The following STK36 variants were observed in gnomAD, a reference collection of about 807,000 sequenced individuals.
STK36 encodes the protein serine/threonine kinase 36.
In STK36, 116 loss-of-function variants were observed where a neutral mutation model predicts 142.2. That is an observed-to-expected ratio of 0.82 (90% CI 0.70 to 0.95). STK36 has a LOEUF of 0.95. Among genes scored for constraint, STK36 ranks in the 40% least tolerant of loss-of-function variants. The pLI is 0.00. For missense variants in STK36, 1,422 were observed against 1,617.2 expected, an observed-to-expected ratio of 0.88 and a Z score of 2.07; for synonymous variants, 619 against 641.7, an observed-to-expected ratio of 0.96 and a Z score of 0.53.
chr2:218,688,591 C>A, intron 11 of STK36, 106 bp from the exon 12 acceptor site: 1 of 1,227,238 alleles, frequency 8.1e-7, no homozygotes, highest in Non-Finnish European at 1.1e-6. Context: ...GGAATGCAAG[C>A]ATGTGGTCTG....
intron 6 of STK36, 24 bp from the exon 7 acceptor site, chr2:218,679,144 A>G: frequency 6.2e-7 from 1 of 1,609,036 alleles, no homozygotes; most frequent in Non-Finnish European, 8.5e-7. Context: ...AGAATGACTG[A>G]TGGAATATTT....
chr2:218,698,244 G>A (rs1164694540), intron 25 of STK36, among the ~76,000 whole-genome samples: 2 of 152,164 alleles, frequency 1.3e-5, no homozygotes, highest in African/African-American at 4.8e-5. Context: ...GGTGCTCATT[G>A]GGGAGAACAT....
chr2:218,692,202 T>C lies in STK36; in HGVS notation c.1824T>C (p.Phe608=). Residue 608 remains phenylalanine, a synonymous_variant, in exon 15 of 27, where the codon TTT becomes TTC. Coordinates refer to ENST00000295709, the MANE Select transcript of STK36 (RefSeq NM_015690.5). The part of the protein sequence containing the change: ...DGNSRAISKA[F]YSSLLTTQQV... ...ACAGCCGGGCCATCTCCAAAGCCTTTTACTCCAGCTTGCTGACGACACAGC... is the reference window on the plus strand; with the variant it reads ...ACAGCCGGGCCATCTCCAAAGCCTTCTACTCCAGCTTGCTGACGACACAGC... The C allele has an allele frequency of 6.2e-7, 1 of 1,614,216 alleles. No individual in the cohort carries two copies. The highest frequency in any genetic ancestry group is 8.5e-7 in the Non-Finnish European group (1 of 1,180,040).
intron 10 of STK36, 135 bp from the exon 11 acceptor site, chr2:218,684,950 A>G (rs1405941261): frequency 9.4e-7 from 1 of 1,067,486 alleles, no homozygotes; most frequent in African/African-American, 1.6e-5. Context: ...AGGTGACTGA[A>G]GATATACATC....
chr2:218,681,453 T>C (rs1940518262), intron 10 of STK36, among the ~76,000 whole-genome samples: 1 of 152,214 alleles, frequency 6.6e-6, no homozygotes, highest in Non-Finnish European at 1.5e-5. Context: ...TATGTTTTTT[T>C]TGAGTTTTGC....
Position 218,694,137 on chromosome 2 carries a change from C to A in STK36, c.2337-127C>A. 8.6e-7 allele frequency: 1 copy of A among 1,160,890 alleles called. No individual in the cohort carries two copies. 71.9% of individuals were successfully genotyped at this position (1,160,890 alleles called of 1,614,324 possible). ...CTCTACAAAGAACAGACCTAGACTC[C>A]CATCAACTTTGTGCCTTGGAGGTAG... is the stretch of plus-strand genomic sequence containing the variant. On this transcript the variant is annotated intron_variant, in intron 19 of 26. Transcript: ENST00000295709. The surrounding 1 kb of genome is among the most constrained non-coding windows in gnomAD (Gnocchi z 4.4).
rs1559336080 is a variant in STK36, at chr2:218,685,142, A to G, written c.1294A>G (p.Ile432Val). The change falls in exon 11 of 27, where the codon ATT becomes GTT. Residue 432 changes from isoleucine to valine, a missense_variant. Ile to Val is a conservative substitution (Grantham distance 29, BLOSUM62 3). Around this residue, in one of 2 missense-constraint regions of STK36, gnomAD observed 962 missense variants for 1,167.5 expected, o/e 0.82. Coordinates refer to ENST00000295709, the MANE Select transcript of STK36 (RefSeq NM_015690.5). ...GCTAGAGACCACTGAGCCTGTGCCT[A>G]TTCAACTGAAGGCTCCTCTCACCTT... ...HLLETTEPVP[I>V]QLKAPLTLLC... 3 of 1,614,170 alleles carry G rather than the reference A, an allele frequency of 1.9e-6. No homozygotes were observed. Among genetic ancestry groups the G allele is most frequent in the Non-Finnish European group, 2.5e-6 (3 of 1,180,018 alleles).
chr2:218,694,250 T>C lies in STK36; in HGVS notation c.2337-14T>C. On this transcript the variant is annotated splice_polypyrimidine_tract_variant and intron_variant, in intron 19 of 26. Transcript: ENST00000295709. This position sits in a 1 kb window ranked among gnomAD's most constrained non-coding sequence, Gnocchi z 4.4. Reference sequence around the variant, plus strand: ...TAATACTGCTGCATCCCTTGATGTATCTCTTTATTCCAGAATGGAGAAGCT... The same window carrying C: ...TAATACTGCTGCATCCCTTGATGTACCTCTTTATTCCAGAATGGAGAAGCT... 4 of 1,610,282 alleles carry C rather than the reference T, an allele frequency of 2.5e-6. No homozygotes were observed. Among genetic ancestry groups the C allele is most frequent in the Non-Finnish European group, 3.4e-6 (4 of 1,176,526 alleles).
At chr2:218,695,303 G>T (rs1941185829) in intron 21 of STK36, among the ~76,000 whole-genome samples, 1 of 123,152 alleles carries the variant, frequency 8.1e-6, no homozygotes, top group Admixed American at 1.1e-4. Flanking sequence ...TCGGCTCACC[G>T]CAACCTCTGC....
At chr2:218,696,396 G>A (rs1005443054) in intron 21 of STK36, 131 bp from the exon 22 acceptor site, 1 of 741,134 alleles carries the variant, frequency 1.3e-6, no homozygotes, top group Non-Finnish European at 2.4e-6. Flanking sequence ...GTTCCCCCAG[G>A]CCCCATATAT....
At chr2:218,676,619 CTT>C (rs779049295) in intron 6 of STK36, among the ~76,000 whole-genome samples, 38 of 126,038 alleles carry the variant, frequency 3.0e-4, no homozygotes, top group Non-Finnish European at 3.3e-4. Flanking sequence ...GTGCTACACG[CTT>C]TTTTTTTTTT....
intron 11 of STK36, 112 bp downstream of exon 11, chr2:218,685,340 G>A: frequency 7.1e-7 from 1 of 1,401,524 alleles, no homozygotes; most frequent in Non-Finnish European, 9.8e-7. Context: ...CAGTTCTTCA[G>A]TCTATCTGCT....
chr2:218,690,633 G>T (rs1011805669), intron 14 of STK36, 78 bp downstream of exon 14: 25 of 1,137,662 alleles, frequency 2.2e-5, no homozygotes, highest in Non-Finnish European at 3.2e-5. Context: ...TTATGACTAT[G>T]TAGGGTCAGA....
At chr2:218,686,567 C>T (rs1203458541) in intron 11 of STK36, among the ~76,000 whole-genome samples, 1 of 152,184 alleles carries the variant, frequency 6.6e-6, no homozygotes, top group Admixed American at 6.5e-5. Flanking sequence ...CTGCCCCCAG[C>T]CCCCATTTAC....
chr2:218,677,462 G>C lies in STK36; in HGVS notation c.684+1184G>C, dbSNP rs1471708769. 3.3e-5 allele frequency among the ~76,000 whole-genome samples: 5 copies of C among 152,212 alleles called. No homozygotes were observed. In the East Asian group the frequency reaches 9.6e-4, roughly 29 times the overall value. On this transcript the variant is annotated intron_variant, in intron 6 of 26. Transcript: ENST00000295709. ...TTTTCTACTGCAGGGTCTTAATTCT[G>C]GGAGGGTGTTCTAAAGTTTGCCAAA...
At position 218,679,944 on chromosome 2, in the gene STK36, G is replaced by A; in HGVS notation, c.1000G>A (p.Val334Met). 1 of 1,614,194 alleles carries A rather than the reference G, an allele frequency of 6.2e-7. No homozygotes were observed. The highest frequency in any genetic ancestry group is 8.5e-7 in the Non-Finnish European group (1 of 1,180,018). The change falls in exon 9 of 27, where the codon GTG becomes ATG. Residue 334 changes from valine (V) to methionine (M), a missense_variant. Physicochemically the swap from Val to Met is conservative, Grantham distance 21. Around this residue, in one of 2 missense-constraint regions of STK36, gnomAD observed 460 missense variants for 449.6 expected, o/e 1.02. Transcript: ENST00000295709. Reference protein sequence around the residue: ...ALEQEDKTSKVAPGTAPLPRL... With the variant: ...ALEQEDKTSKMAPGTAPLPRL... Reference sequence around the variant, plus strand: ...TGAGCAAGAGGACAAGACCAGCAAGGTGGCTCCTGGCACAGCCCCTCTGCC... The same window carrying A: ...TGAGCAAGAGGACAAGACCAGCAAGATGGCTCCTGGCACAGCCCCTCTGCC...
intron 15 of STK36, 144 bp from the exon 16 acceptor site, chr2:218,692,439 C>A: frequency 6.7e-7 from 1 of 1,483,968 alleles, no homozygotes; most frequent in Non-Finnish European, 9.0e-7. Context: ...GAATGGGGAT[C>A]TGAGGGAAAC....
chr2:218,698,047 C>G (rs764457118), intron 25 of STK36, 46 bp downstream of exon 25: 17 of 1,610,980 alleles, frequency 1.1e-5, no homozygotes, highest in Middle Eastern at 1.7e-4. Flanking sequence ...GATAGCCAAC[C>G]TTGTATCCTC....
intron 22 of STK36, 75 bp downstream of exon 22, chr2:218,696,676 G>T: frequency 6.7e-7 from 1 of 1,499,092 alleles, no homozygotes. Context: ...CTGGACCAGA[G>T]GAATGAAGAA....
Sources: allele counts gnomAD v4.1 joint callset (sites outside exome capture counted in the v4.1 genomes callset), GRCh38; gene constraint gnomAD v4.1.1; regional missense constraint gnomAD v4.1.1; non-coding constraint Gnocchi (gnomAD v3.1); transcripts MANE v1.5; gene names NCBI Gene and HGNC (gene_info 2026-07-23, HGNC 2026-07-21).